LAMP1: variants seen among roughly 807,000 people sequenced by gnomAD.
The protein encoded by LAMP1 is lysosome associated membrane protein 1, also known as lysosome-associated membrane glycoprotein 1.
LAMP1 carries 7 observed loss-of-function variants against 37.5 expected under a neutral mutation model. The ratio of observed to expected loss-of-function variants is 0.19; its 90% confidence interval spans 0.11 to 0.35. The LOEUF (loss-of-function observed/expected upper bound fraction) is 0.35, where lower values mean the gene tolerates loss of function less well. Among genes scored for constraint, LAMP1 ranks in the 10% least tolerant of loss-of-function variants. The probability of loss-of-function intolerance (pLI) is 1.00; values close to 1 mark genes in which losing one functional copy is unlikely to be tolerated. For missense variants in LAMP1, 537 were observed against 552.8 expected, an observed-to-expected ratio of 0.97 and a Z score of 0.29; for synonymous variants, 236 against 229.1, an observed-to-expected ratio of 1.03 and a Z score of -0.27.
intron 4 of LAMP1, among the ~76,000 whole-genome samples, chr13:113,311,600 T>G (rs1470138669): frequency 6.6e-6 from 1 of 152,188 alleles, no homozygotes; most frequent in Non-Finnish European, 1.5e-5. Flanking sequence ...GCTGCCTCTC[T>G]GAGGAGGTCA....
Position 113,322,376 on chromosome 13 carries a change from C to CACCTGTATT in LAMP1, c.1209_1210insACCTGTATT (p.Tyr403_Leu404insThrCysIle). 1.9e-6 allele frequency: 3 copies of CACCTGTATT among 1,604,134 alleles called. No homozygotes were observed. Among genetic ancestry groups the CACCTGTATT allele is most frequent in the Admixed American group, 1.7e-5 (1 of 58,828 alleles). On this transcript the variant is annotated inframe_insertion, in exon 9 of 9. Transcript: ENST00000332556. ...TGGTCCTCATCGTCCTCATCGCCTA[C>CACCTGTATT]CTCGTCGGCAGGAAGAGGAGTCACG...
chr13:113,301,640 AAAAAATATATATATATATATATATATAT>A lies in LAMP1; in HGVS notation c.61+4147_61+4174del, dbSNP rs1248351903. ...TCTGTTTCCATTTAAAAAAAAAAAAAAAAAATATATATATATATATATATATATATATATATATATATATATATATATT... is the reference window on the plus strand; with the variant it reads ...TCTGTTTCCATTTAAAAAAAAAAAAAATATATATATATATATATATATATT... On this transcript the variant is annotated intron_variant, in intron 1 of 8. Transcript: ENST00000332556. Among the ~76,000 whole-genome samples, 864 of 75,048 alleles carry A rather than the reference AAAAAATATATATATATATATATATATAT, an allele frequency of 0.012. 93 individuals carry two copies. The East Asian group carries it at 0.14, about 12-fold the overall frequency. The allele number at this position is 75,048 out of a possible 152,430, so 49.2% of individuals were successfully genotyped here.
chr13:113,318,899 C>T (rs1282636826), intron 4 of LAMP1, among the ~76,000 whole-genome samples: 2 of 152,216 alleles, frequency 1.3e-5, no homozygotes, highest in Non-Finnish European at 1.5e-5. Context: ...CCCTGTCCTG[C>T]CAGAGGGCCT....
chr13:113,309,929 T>C lies in LAMP1; in HGVS notation c.403+67T>C. The C allele has an allele frequency of 1.5e-6, 2 of 1,309,174 alleles. 1 individual carries two copies. 81.1% of individuals were successfully genotyped at this position (1,309,174 alleles called of 1,614,324 possible). A position where few individuals can be genotyped will look rare whatever the true frequency, so the allele number is the denominator to read the frequency against. On this transcript the variant is annotated intron_variant, in intron 3 of 8. Coordinates refer to ENST00000332556, the MANE Select transcript of LAMP1 (RefSeq NM_005561.4). The stretch of plus-strand genomic sequence containing the variant: ...GGGTTGGAGGATTGTCTAAAGTTAC[T>C]TTTACCTAAGAAGTACAGGCTGGGT...
chr13:113,309,558 A>C, intron 2 of LAMP1, 85 bp from the exon 3 acceptor site: 2 of 1,010,952 alleles, frequency 2.0e-6, no homozygotes, highest in Non-Finnish European at 3.0e-6. Flanking sequence ...GTATAAGTTT[A>C]TATCAGACTT....
chr13:113,315,606 G>A (rs111277977), intron 4 of LAMP1, among the ~76,000 whole-genome samples: 1 of 151,468 alleles, frequency 6.6e-6, no homozygotes, highest in South Asian at 2.1e-4. Flanking sequence ...GGCCAGGCTG[G>A]TCTTGAGCTC....
chr13:113,322,401 G>C lies in LAMP1; in HGVS notation c.1234G>C (p.Ala412Pro). The C allele has an allele frequency of 6.2e-7, 1 of 1,613,268 alleles. No individual in the cohort carries two copies. The highest frequency in any genetic ancestry group is 1.1e-5 in the South Asian group (1 of 91,042). Residue 412 changes from alanine (A) to proline (P), a missense_variant, in exon 9 of 9, where the codon GCA becomes CCA. Coordinates refer to ENST00000332556, the MANE Select transcript of LAMP1 (RefSeq NM_005561.4). ...AYLVGRKRSH[A>P]GYQTI is the part of the protein sequence containing the mutation. ...CCTCGTCGGCAGGAAGAGGAGTCAC[G>C]CAGGCTACCAGACTATCTAGCCTGG... is the stretch of plus-strand genomic sequence containing the variant.
Position 113,309,759 on chromosome 13 carries a change from C to A in LAMP1, c.300C>A (p.Leu100=), listed in dbSNP as rs1381646211. The change falls in exon 3 of 9, where the codon CTC becomes CTA. Residue 100 remains leucine, a synonymous_variant. Transcript: ENST00000332556. ...LVIAFGRGHT[L]TLNFTRNATR... ...TTGCTTTTGGAAGAGGACATACACT[C>A]ACTCTCAATTTCACGAGAAATGCAA... 6.2e-7 allele frequency: 1 copy of A among 1,613,986 alleles called. No homozygotes were observed. Among genetic ancestry groups the A allele is most frequent in the Admixed American group, 1.7e-5 (1 of 59,998 alleles).
rs1595464556 is a variant in LAMP1 at position 113,320,547 on chromosome 13, T to C, written c.876+77T>C. On this transcript the variant is annotated intron_variant, in intron 6 of 8. Transcript: ENST00000332556. The surrounding 1 kb of genome is among the most constrained non-coding windows in gnomAD (Gnocchi z 4.4). Reference sequence around the variant, plus strand: ...TCTTTTTGTGCCCTGGGTCTGCTCATGGGAGGCAGCGTTAGGAAGGAGGCG... The same window carrying C: ...TCTTTTTGTGCCCTGGGTCTGCTCACGGGAGGCAGCGTTAGGAAGGAGGCG... 3 of 1,518,432 alleles carry C rather than the reference T, an allele frequency of 2.0e-6. No individual in the cohort carries two copies. The highest frequency in any genetic ancestry group is 1.1e-5 in the South Asian group (1 of 87,112). 94.1% of individuals were successfully genotyped at this position (1,518,432 alleles called of 1,614,324 possible). A position where few individuals can be genotyped will look rare whatever the true frequency, so the allele number is the denominator to read the frequency against.
intron 1 of LAMP1, among the ~76,000 whole-genome samples, chr13:113,301,047 C>G (rs1005184993): frequency 6.6e-6 from 1 of 152,148 alleles, no homozygotes; most frequent in Non-Finnish European, 1.5e-5. Flanking sequence ...AACATCTGTT[C>G]GGCTGCACTG....
chr13:113,315,749 G>A (rs958128779), intron 4 of LAMP1, among the ~76,000 whole-genome samples: 1 of 151,994 alleles, frequency 6.6e-6, no homozygotes, highest in African/African-American at 2.4e-5. Context: ...TGAAGCACAA[G>A]CCACCTTTGA....
rs189255314 is a variant in LAMP1 at position 113,306,430 on chromosome 13, C to T, written c.62-55C>T. On this transcript the variant is annotated intron_variant, in intron 1 of 8. Coordinates refer to ENST00000332556, the MANE Select transcript of LAMP1 (RefSeq NM_005561.4). ...TACAGCTGTGGAAAATGGAAATACTCGGTCGTATTTTCTGGACAGTTTTTG... is the reference window on the plus strand; with the variant it reads ...TACAGCTGTGGAAAATGGAAATACTTGGTCGTATTTTCTGGACAGTTTTTG... 2,306 of 1,570,368 alleles carry T rather than the reference C, an allele frequency of 1.5e-3. 63 individuals are homozygous for T. In the Admixed American group the frequency reaches 0.037, roughly 25 times the overall value.
chr13:113,322,524 A>C lies in LAMP1; in HGVS notation c.*103A>C, dbSNP rs184906622. On this transcript the variant is annotated 3_prime_UTR_variant, in exon 9 of 9. Coordinates refer to ENST00000332556, the MANE Select transcript of LAMP1 (RefSeq NM_005561.4). ...ACACTTTCTGGCAAACGTTTCTCAA[A>C]TCTGCTTCATCCAATGTGAAGTTCA... 4.0e-5 allele frequency: 43 copies of C among 1,069,806 alleles called. No individual in the cohort carries two copies. The highest frequency in any genetic ancestry group is 5.6e-5 in the Non-Finnish European group (42 of 753,352). The allele number at this position is 1,069,806 out of a possible 1,614,324, so 66.3% of individuals were successfully genotyped here. A position where few individuals can be genotyped will look rare whatever the true frequency, so the allele number is the denominator to read the frequency against.
chr13:113,317,562 C>T (rs148784706), intron 4 of LAMP1, among the ~76,000 whole-genome samples: 21 of 152,284 alleles, frequency 1.4e-4, no homozygotes, highest in East Asian at 3.9e-4. Flanking sequence ...GTCAAAGCAG[C>T]GTAGGTTACA....
rs1419868040 is a variant in LAMP1, at chr13:113,319,676, T to C, written c.750+20T>C. The C allele has an allele frequency of 1.2e-6, 2 of 1,602,216 alleles. No individual in the cohort carries two copies. Among genetic ancestry groups the C allele is most frequent in the Admixed American group, 1.7e-5 (1 of 59,710 alleles). ...AACACGGTAGGGCTGGGGCCTCACC[T>C]GGGAGAGGGGGACGGCACGGTAGGG... On this transcript the variant is annotated intron_variant, in intron 5 of 8. Coordinates refer to ENST00000332556, the MANE Select transcript of LAMP1 (RefSeq NM_005561.4).
At position 113,310,801 on chromosome 13, in the gene LAMP1, G is replaced by A. The variant is rs980992313; in HGVS notation, c.496G>A (p.Val166Met). 1.2e-5 allele frequency: 19 copies of A among 1,613,670 alleles called. No individual in the cohort carries two copies. Among genetic ancestry groups the A allele is most frequent in the Non-Finnish European group, 1.6e-5 (19 of 1,179,928 alleles). ...TGGCACCCAGGTCCACATGAACAAC[G>A]TGACCGTAACGCTCCATGATGCCAC... ...VSGTQVHMNN[V>M]TVTLHDATIQ... Residue 166 changes from valine (V) to methionine (M), a missense_variant, in exon 4 of 9, where the codon GTG becomes ATG. Val to Met is a conservative substitution (Grantham distance 21). Coordinates refer to ENST00000332556, the MANE Select transcript of LAMP1 (RefSeq NM_005561.4).
At position 113,321,235 on chromosome 13, in the gene LAMP1, T is replaced by G. The variant is rs2042697276; in HGVS notation, c.877-169T>G. The G allele has an allele frequency of 3.0e-6, 2 of 659,060 alleles. No homozygotes were observed. The highest frequency in any genetic ancestry group is 5.4e-6 in the Non-Finnish European group (2 of 372,096). 40.8% of individuals were successfully genotyped at this position (659,060 alleles called of 1,614,324 possible). On this transcript the variant is annotated intron_variant, in intron 6 of 8. Coordinates refer to ENST00000332556, the MANE Select transcript of LAMP1 (RefSeq NM_005561.4). This position sits in a 1 kb window ranked among gnomAD's most constrained non-coding sequence, Gnocchi z 5.6. ...CATTCCCCAGAGATACACAACGCCT[T>G]TTATAGACAAGATCTTTTGCAGTTT...
In LAMP1 at chr13:113,306,434, C is replaced by A; in HGVS notation, c.62-51C>A. ...GCTGTGGAAAATGGAAATACTCGGT[C>A]GTATTTTCTGGACAGTTTTTGATGG... On this transcript the variant is annotated intron_variant, in intron 1 of 8. Coordinates refer to ENST00000332556, the MANE Select transcript of LAMP1 (RefSeq NM_005561.4). 4 of 1,581,564 alleles carry A rather than the reference C, an allele frequency of 2.5e-6. No individual in the cohort carries two copies. The South Asian group carries it at 4.5e-5, about 18-fold the overall frequency.
Position 113,306,834 on chromosome 13 carries a change from C to CTTTTTTTTTTTTT in LAMP1, c.183+239_183+251dup, listed in dbSNP as rs780041684. The stretch of plus-strand genomic sequence containing the variant: ...CTCACTGTTCATCATGAACATTTTC[C>CTTTTTTTTTTTTT]TTTTTTTTTTTTTTTTTTTTTTTGA... On this transcript the variant is annotated intron_variant, in intron 2 of 8. Transcript: ENST00000332556. 1.7e-3 allele frequency among the ~76,000 whole-genome samples: 138 copies of CTTTTTTTTTTTTT among 80,154 alleles called. 14 individuals carry two copies. Among genetic ancestry groups the CTTTTTTTTTTTTT allele is most frequent in the Non-Finnish European group, 2.2e-3 (100 of 46,134 alleles). 52.6% of individuals were successfully genotyped at this position (80,154 alleles called of 152,430 possible).
Sources: gnomAD v4.1 joint callset for allele counts (sites outside exome capture counted in the v4.1 genomes callset) on GRCh38, gnomAD v4.1.1 for gene constraint, Gnocchi (gnomAD v3.1) non-coding constraint, MANE v1.5 for transcripts, NCBI Gene and HGNC (gene_info 2026-07-23, HGNC 2026-07-21) for gene names.